The following CNTNAP5 variants were observed in gnomAD, a reference collection of about 807,000 sequenced individuals.
The protein encoded by CNTNAP5 is contactin-associated protein-like 5.
Under a neutral mutation model 150.2 loss-of-function variants are expected in CNTNAP5, and 72 were observed. That is an observed-to-expected ratio of 0.48 (90% CI 0.40 to 0.58). The LOEUF (loss-of-function observed/expected upper bound fraction) is 0.58. CNTNAP5 is among the 20% of genes least tolerant of loss of function. The pLI is 0.00. For synonymous variants in CNTNAP5, 672 were observed against 619.8 expected (o/e 1.08, Z -1.25); for missense variants, 1,636 against 1,626.2 (o/e 1.01, Z -0.10).
At position 124,452,366 on chromosome 2, in the gene CNTNAP5, C is replaced by A. The variant is rs146632937; in HGVS notation, c.918+5429C>A. Among the ~76,000 whole-genome samples, 1,007 of 152,202 alleles carry A rather than the reference C, an allele frequency of 6.6e-3. 15 individuals are homozygous for A. The highest frequency in any genetic ancestry group is 0.023 in the African/African-American group (958 of 41,482). On this transcript the variant is annotated intron_variant, in intron 6 of 23. Transcript: ENST00000682447. ...ATTGACCTGGGAACCTCACCCTAATCCTCCACAGCAGTTGCCACAAGACCT... is the reference window on the plus strand; with the variant it reads ...ATTGACCTGGGAACCTCACCCTAATACTCCACAGCAGTTGCCACAAGACCT...
chr2:124,226,618 C>T (rs528473727), intron 2 of CNTNAP5, among the ~76,000 whole-genome samples: 6 of 152,040 alleles, frequency 3.9e-5, no homozygotes, highest in African/African-American at 1.2e-4. Context: ...TATAGTCCCA[C>T]TTGCTCATTT....
chr2:124,269,062 G>A (rs544696159), intron 3 of CNTNAP5, among the ~76,000 whole-genome samples: 515 of 152,078 alleles, frequency 3.4e-3, no homozygotes, highest in Non-Finnish European at 5.6e-3. Flanking sequence ...AGTACCCCCT[G>A]CTCCCCACCA....
intron 3 of CNTNAP5, among the ~76,000 whole-genome samples, chr2:124,378,087 T>C (rs1047197583): frequency 7.9e-5 from 12 of 152,112 alleles, no homozygotes; most frequent in Admixed American, 1.3e-4. Context: ...ATTTTGTTAA[T>C]AGGGACTGAT....
At chr2:124,160,898 T>A (rs995327794) in intron 1 of CNTNAP5, among the ~76,000 whole-genome samples, 3 of 152,196 alleles carry the variant, frequency 2.0e-5, no homozygotes, top group Non-Finnish European at 4.4e-5. Flanking sequence ...TTTATTTCAT[T>A]TTATTTGTTT....
At chr2:124,335,653 G>A in intron 3 of CNTNAP5, among the ~76,000 whole-genome samples, 1 of 150,870 alleles carries the variant, frequency 6.6e-6, no homozygotes, top group East Asian at 2.0e-4. Context: ...ATCTAAATTT[G>A]AAAAGGAAGG....
chr2:124,624,533 T>C (rs1677680049), intron 12 of CNTNAP5, among the ~76,000 whole-genome samples: 2 of 152,258 alleles, frequency 1.3e-5, no homozygotes, highest in African/African-American at 4.8e-5. Context: ...TATTCATTAA[T>C]TCAGTCACTC....
chr2:124,355,328 C>T (rs556243220), intron 3 of CNTNAP5, among the ~76,000 whole-genome samples: 2 of 152,038 alleles, frequency 1.3e-5, no homozygotes, highest in African/African-American at 2.4e-5. Context: ...TGGTAGAAAT[C>T]TCATTTTAAT....
chr2:124,053,169 C>T (rs1313121468), intron 1 of CNTNAP5, among the ~76,000 whole-genome samples: 3 of 152,070 alleles, frequency 2.0e-5, no homozygotes, highest in Admixed American at 6.6e-5. Flanking sequence ...GTCCTGGCTG[C>T]GTTGAGAGGC....
chr2:124,180,882 T>C (rs1490575571), intron 1 of CNTNAP5, among the ~76,000 whole-genome samples: 1 of 151,392 alleles, frequency 6.6e-6, no homozygotes, highest in Non-Finnish European at 1.5e-5. Flanking sequence ...GGCCCTCAGC[T>C]ACCTTTTCAT....
intron 3 of CNTNAP5, among the ~76,000 whole-genome samples, chr2:124,310,212 C>T (rs184599593): frequency 1.3e-5 from 2 of 152,090 alleles, no homozygotes; most frequent in Non-Finnish European, 2.9e-5. Flanking sequence ...GTTCCTGGAA[C>T]CCTGTGTTGA....
intron 12 of CNTNAP5, among the ~76,000 whole-genome samples, chr2:124,628,261 A>C (rs951160895): frequency 6.6e-6 from 1 of 152,158 alleles, no homozygotes; most frequent in Non-Finnish European, 1.5e-5. Context: ...GGACATAATC[A>C]TCAGATTCTC....
intron 2 of CNTNAP5, among the ~76,000 whole-genome samples, chr2:124,224,878 A>G (rs2104744678): frequency 6.6e-6 from 1 of 152,276 alleles, no homozygotes; most frequent in African/African-American, 2.4e-5. Flanking sequence ...TCCTTTTAAG[A>G]CCAAACTTAT....
At chr2:124,883,953 TAC>T (rs1678025056) in intron 21 of CNTNAP5, among the ~76,000 whole-genome samples, 1 of 149,540 alleles carries the variant, frequency 6.7e-6, no homozygotes, top group Non-Finnish European at 1.5e-5. Context: ...AATGTACATG[TAC>T]ACATATGTTT....
At chr2:124,042,106 C>G (rs1043342014) in intron 1 of CNTNAP5, among the ~76,000 whole-genome samples, 8 of 152,154 alleles carry the variant, frequency 5.3e-5, no homozygotes, top group African/African-American at 1.9e-4. Context: ...GGTGACCCAC[C>G]TGCCTCGGCC....
intron 10 of CNTNAP5, among the ~76,000 whole-genome samples, chr2:124,536,694 G>C (rs942458962): frequency 6.6e-6 from 1 of 152,140 alleles, no homozygotes; most frequent in African/African-American, 2.4e-5. Flanking sequence ...GGCTTGGGTA[G>C]CCAGAGCGGG....
At chr2:124,558,879 T>G (rs973263057) in intron 10 of CNTNAP5, among the ~76,000 whole-genome samples, 2 of 152,192 alleles carry the variant, frequency 1.3e-5, no homozygotes, top group African/African-American at 4.8e-5. Flanking sequence ...CAGGATGAAA[T>G]TGGACTCCAG....
intron 2 of CNTNAP5, among the ~76,000 whole-genome samples, chr2:124,236,690 G>A (rs965067499): frequency 4.6e-5 from 7 of 152,156 alleles, no homozygotes; most frequent in Admixed American, 2.0e-4. Context: ...ATTCAAGTTA[G>A]CCTCACAGTA....
At position 124,763,741 on chromosome 2, in the gene CNTNAP5, C is replaced by A. The variant is rs368472694; in HGVS notation, c.2304C>A (p.Thr768=). 3.0e-5 allele frequency: 48 copies of A among 1,612,740 alleles called. No homozygotes were observed. The highest frequency in any genetic ancestry group is 3.9e-5 in the Non-Finnish European group (46 of 1,179,364). Residue 768 remains threonine, a synonymous_variant, in exon 15 of 24, where the codon ACC becomes ACA. Coordinates refer to ENST00000682447, the MANE Select transcript of CNTNAP5 (RefSeq NM_001367498.1). ...LPVTQIVITD[T]DRSNSEAAWR... ...TCACTCAGATAGTTATCACTGATACCGACAGATCAAACTCAGAAGCCGCTT... is the reference window on the plus strand; with the variant it reads ...TCACTCAGATAGTTATCACTGATACAGACAGATCAAACTCAGAAGCCGCTT...
chr2:124,787,991 T>G (rs1311652640), intron 17 of CNTNAP5, among the ~76,000 whole-genome samples: 1 of 152,206 alleles, frequency 6.6e-6, no homozygotes, highest in African/African-American at 2.4e-5. Flanking sequence ...TATTTTCCCT[T>G]CCACCTTTTC....
Sources: gnomAD v4.1 joint callset for allele counts (sites outside exome capture counted in the v4.1 genomes callset) on GRCh38, gnomAD v4.1.1 for gene constraint, MANE v1.5 for transcripts, NCBI Gene and HGNC (gene_info 2026-07-23, HGNC 2026-07-21) for gene names.